The following SLC24A2 variants were observed in gnomAD, a reference collection of about 807,000 sequenced individuals.
SLC24A2 encodes the protein solute carrier family 24 member 2.
Under a neutral mutation model 62.0 loss-of-function variants are expected in SLC24A2, and 36 were observed. The observed-to-expected ratio is 0.58, with a 90% CI of 0.44 to 0.77. SLC24A2 has a LOEUF of 0.77. Ranked by LOEUF, SLC24A2 falls within the 30% of genes least tolerant of loss-of-function variation. The probability of loss-of-function intolerance (pLI) is 0.00; values close to 1 mark genes in which losing one functional copy is unlikely to be tolerated. For synonymous variants in SLC24A2, 358 were observed against 294.0 expected (o/e 1.22, Z -2.23); for missense variants, 846 against 817.9 (o/e 1.03, Z -0.42).
chr9:20,291,130 A>G, the SLC24A2 span, among the ~76,000 whole-genome samples: 1 of 152,174 alleles, frequency 6.6e-6, no homozygotes, highest in African/African-American at 2.4e-5. Flanking sequence ...AGTCATGATG[A>G]GAAGTAGGGG....
the SLC24A2 span, among the ~76,000 whole-genome samples, chr9:20,254,236 G>A: frequency 1.3e-5 from 2 of 152,160 alleles, no homozygotes; most frequent in South Asian, 4.1e-4. Flanking sequence ...TTGAGCTCTG[G>A]CTCTATTATG....
chr9:20,196,643 C>T, the SLC24A2 span, among the ~76,000 whole-genome samples: 2 of 152,184 alleles, frequency 1.3e-5, no homozygotes, highest in Non-Finnish European at 2.9e-5. Flanking sequence ...CTAGCTAATA[C>T]ACCACTTTAG....
At chr9:19,690,242 G>A (rs1247373963) in intron 2 of SLC24A2, among the ~76,000 whole-genome samples, 1 of 151,924 alleles carries the variant, frequency 6.6e-6, no homozygotes, top group Non-Finnish European at 1.5e-5. Flanking sequence ...TATTTCTCTG[G>A]AGAGCTCTGA....
the SLC24A2 span, among the ~76,000 whole-genome samples, chr9:20,206,406 A>G: frequency 2.6e-5 from 4 of 152,174 alleles, no homozygotes; most frequent in African/African-American, 9.6e-5. Flanking sequence ...ATTCTCATGA[A>G]TTTTTTTGTG....
At chr9:19,534,293 G>A (rs1833850585) in intron 8 of SLC24A2, among the ~76,000 whole-genome samples, 1 of 152,172 alleles carries the variant, frequency 6.6e-6, no homozygotes. Context: ...ATGTGGCCAT[G>A]CCTGGTTTCC....
the SLC24A2 span, among the ~76,000 whole-genome samples, chr9:20,196,629 A>G: frequency 0.021 from 3,268 of 152,288 alleles, 119 homozygotes; most frequent in African/African-American, 0.075. Flanking sequence ...TTCTTATGTC[A>G]GGCCTAGCTA....
At chr9:19,989,596 G>A in the SLC24A2 span, among the ~76,000 whole-genome samples, 1 of 152,236 alleles carries the variant, frequency 6.6e-6, no homozygotes, top group South Asian at 2.1e-4. Flanking sequence ...CTGTTTCTTA[G>A]CCTTTGCTTC....
At chr9:19,933,910 A>C in the SLC24A2 span, among the ~76,000 whole-genome samples, 2 of 152,188 alleles carry the variant, frequency 1.3e-5, no homozygotes, top group African/African-American at 4.8e-5. Context: ...GAGATTCCCC[A>C]AACAGGCAAA....
the SLC24A2 span, among the ~76,000 whole-genome samples, chr9:20,081,911 T>G: frequency 3.3e-5 from 5 of 152,176 alleles, no homozygotes; most frequent in African/African-American, 1.2e-4. Flanking sequence ...AATTTCCTCC[T>G]CAGATGGATT....
chr9:19,862,825 CA>C, the SLC24A2 span, among the ~76,000 whole-genome samples: 1 of 151,160 alleles, frequency 6.6e-6, no homozygotes, highest in East Asian at 1.9e-4. Context: ...TACCTCAAAC[CA>C]AAAAGCATGC....
the SLC24A2 span, among the ~76,000 whole-genome samples, chr9:19,878,845 T>C: frequency 6.6e-6 from 1 of 152,134 alleles, no homozygotes; most frequent in African/African-American, 2.4e-5. Context: ...TCTATAGCAG[T>C]GCAAGAAGAA....
the SLC24A2 span, among the ~76,000 whole-genome samples, chr9:19,986,297 T>C: frequency 3.3e-5 from 5 of 152,098 alleles, no homozygotes; most frequent in Non-Finnish European, 7.4e-5. Context: ...TGTGGAGAAA[T>C]TGGAACCCTT....
intron 7 of SLC24A2, among the ~76,000 whole-genome samples, chr9:19,556,734 T>G (rs917007467): frequency 1.1e-4 from 16 of 152,350 alleles, no homozygotes; most frequent in African/African-American, 3.4e-4. Flanking sequence ...TGTCAGCACT[T>G]ACGTATTTTA....
chr9:19,560,570 A>G (rs1835339172), intron 7 of SLC24A2, among the ~76,000 whole-genome samples: 1 of 152,182 alleles, frequency 6.6e-6, no homozygotes, highest in South Asian at 2.1e-4. Context: ...GGAAGCCCTT[A>G]CCAGAGACTG....
At chr9:20,016,219 G>A in the SLC24A2 span, among the ~76,000 whole-genome samples, 1 of 152,066 alleles carries the variant, frequency 6.6e-6, no homozygotes. Context: ...TTTTTAGCTT[G>A]ATTGTACTGT....
Position 19,528,728 on chromosome 9 carries a change from C to T in SLC24A2, c.1480-590G>A, listed in dbSNP as rs1046379317. On this transcript the variant is annotated intron_variant, in intron 8 of 10. Coordinates refer to ENST00000341998, the MANE Select transcript of SLC24A2 (RefSeq NM_020344.4). ...AACTTTTATAGATTCTGGATGATGG[C>T]CATTCTCCAGGACACTGGAACCACC... is the stretch of plus-strand genomic sequence containing the variant. Among the ~76,000 whole-genome samples the T allele has an allele frequency of 5.5e-4, 83 of 152,140 alleles. 1 individual carries two copies. The highest frequency in any genetic ancestry group is 2.0e-3 in the African/African-American group (82 of 41,446).
the SLC24A2 span, among the ~76,000 whole-genome samples, chr9:19,960,571 G>T: frequency 6.6e-6 from 1 of 152,298 alleles, no homozygotes; most frequent in South Asian, 2.1e-4. Flanking sequence ...CCCATAAAAT[G>T]GGGGTAATAA....
At chr9:20,108,370 A>T in the SLC24A2 span, among the ~76,000 whole-genome samples, 1 of 152,190 alleles carries the variant, frequency 6.6e-6, no homozygotes, top group South Asian at 2.1e-4. Flanking sequence ...AGGACTATAA[A>T]TCATGCTGCT....
chr9:19,550,345 C>CA (rs1168566967), intron 7 of SLC24A2, 77 bp from the exon 8 acceptor site: 1 of 1,451,578 alleles, frequency 6.9e-7, no homozygotes, highest in Non-Finnish European at 9.6e-7. Context: ...GAGCACAGAA[C>CA]AAAGGGGAAG....
Sources: allele counts gnomAD v4.1 joint callset (sites outside exome capture counted in the v4.1 genomes callset), GRCh38; gene constraint gnomAD v4.1.1; transcripts MANE v1.5; gene names NCBI Gene and HGNC (gene_info 2026-07-23, HGNC 2026-07-21).